Variants in DNAJC24 observed in about 807,000 individuals in gnomAD.
DNAJC24 encodes the protein dnaJ homolog subfamily C member 24.
DNAJC24 carries 17 observed loss-of-function variants against 18.0 expected under a neutral mutation model. That is an observed-to-expected ratio of 0.94 (90% CI 0.65 to 1.42). The LOEUF (loss-of-function observed/expected upper bound fraction) is 1.42, where lower values mean the gene tolerates loss of function less well. DNAJC24 is among the 40% of genes most tolerant of loss of function. The probability of loss-of-function intolerance (pLI) is 0.00; values close to 1 mark genes in which losing one functional copy is unlikely to be tolerated. For synonymous variants in DNAJC24, 55 were observed against 57.7 expected (o/e 0.95, Z 0.21); for missense variants, 158 against 175.6 (o/e 0.90, Z 0.57).
At chr11:31,425,549 CCTT>C (rs1400173388) in intron 3 of DNAJC24, among the ~76,000 whole-genome samples, 2 of 152,138 alleles carry the variant, frequency 1.3e-5, no homozygotes, top group South Asian at 2.1e-4. Context: ...CAGACAGCCT[CCTT>C]CTTGCTGTGC....
intron 2 of DNAJC24, among the ~76,000 whole-genome samples, chr11:31,413,100 CA>C (rs1952723365): frequency 6.6e-6 from 1 of 151,776 alleles, no homozygotes; most frequent in Admixed American, 6.6e-5. Flanking sequence ...ATAAGGCAGT[CA>C]GTGAAATAAT....
At chr11:31,370,087 G>T (rs1485044075) in intron 1 of DNAJC24, among the ~76,000 whole-genome samples, 175 bp downstream of exon 1, 1 of 152,120 alleles carries the variant, frequency 6.6e-6, no homozygotes, top group Non-Finnish European at 1.5e-5. Context: ...TCCTGGTAGG[G>T]TCTCTCTTCT....
At chr11:31,390,537 C>A (rs1952483581) in intron 2 of DNAJC24, among the ~76,000 whole-genome samples, 1 of 151,166 alleles carries the variant, frequency 6.6e-6, no homozygotes, top group Non-Finnish European at 1.5e-5. Flanking sequence ...GAAACCTTGT[C>A]TCTACTAAAA....
chr11:31,386,229 C>G (rs1952428788), intron 2 of DNAJC24, among the ~76,000 whole-genome samples: 1 of 151,976 alleles, frequency 6.6e-6, no homozygotes, highest in Non-Finnish European at 1.5e-5. Flanking sequence ...AGCCAGTTGA[C>G]TTGGGGTCCA....
chr11:31,418,382 A>G (rs1200681821), intron 3 of DNAJC24, among the ~76,000 whole-genome samples: 1 of 152,066 alleles, frequency 6.6e-6, no homozygotes, highest in Non-Finnish European at 1.5e-5. Flanking sequence ...CTTATATATT[A>G]AGCACATTAA....
rs756992866 is a variant in DNAJC24, at chr11:31,414,808, C to T, written c.112-3C>T. On this transcript the variant is annotated splice_region_variant and splice_polypyrimidine_tract_variant and intron_variant, in intron 2 of 4. Transcript: ENST00000465995. ...CCCCTGCACCCTTCTTTTTGATTGG[C>T]AGTATCATCCAGATAAACAAAGTAC... 1.2e-6 allele frequency: 2 copies of T among 1,611,222 alleles called. No homozygotes were observed. The highest frequency in any genetic ancestry group is 8.5e-7 in the Non-Finnish European group (1 of 1,178,680).
At chr11:31,404,227 A>G (rs1657842060) in intron 2 of DNAJC24, among the ~76,000 whole-genome samples, 1 of 152,192 alleles carries the variant, frequency 6.6e-6, no homozygotes, top group South Asian at 2.1e-4. Context: ...CTGTGACTTT[A>G]GAATGCCTTA....
chr11:31,380,306 A>G (rs1952364116), intron 2 of DNAJC24, among the ~76,000 whole-genome samples: 1 of 152,232 alleles, frequency 6.6e-6, no homozygotes, highest in Non-Finnish European at 1.5e-5. Context: ...GACACATAAT[A>G]AATATTCAAA....
intron 2 of DNAJC24, among the ~76,000 whole-genome samples, chr11:31,391,216 G>T (rs184347322): frequency 6.6e-6 from 1 of 152,112 alleles, no homozygotes; most frequent in Non-Finnish European, 1.5e-5. Flanking sequence ...CATCATAAAC[G>T]CCATATAGGA....
At chr11:31,380,653 TA>T (rs1207680290) in intron 2 of DNAJC24, among the ~76,000 whole-genome samples, 1 of 152,162 alleles carries the variant, frequency 6.6e-6, no homozygotes, top group Admixed American at 6.5e-5. Flanking sequence ...TTTAGGCATT[TA>T]AAAAATAAAC....
rs1387863788 is a variant in DNAJC24 at position 31,430,314 on chromosome 11, C to G, written c.363C>G (p.Tyr121Ter). ...TGAGTTGCAGATGTGGTGGAAAATA[C>G]AGTGTTTCCAAGGATGAAGCGGAAG... ...FYLSCRCGGK[Y>*]SVSKDEAEEV... The change falls in exon 5 of 5, where the codon TAC becomes TAG. Residue 121 changes from tyrosine (Y) to a stop codon, truncating the protein, a stop_gained. Transcript: ENST00000465995. LOFTEE classifies it high-confidence loss of function. 1 of 1,610,866 alleles carries G rather than the reference C, an allele frequency of 6.2e-7. No homozygotes were observed. Among genetic ancestry groups the G allele is most frequent in the African/African-American group, 1.3e-5 (1 of 74,822 alleles).
At chr11:31,401,123 A>G (rs1213928670) in intron 2 of DNAJC24, among the ~76,000 whole-genome samples, 2 of 152,224 alleles carry the variant, frequency 1.3e-5, no homozygotes, top group Non-Finnish European at 2.9e-5. Flanking sequence ...GAAACATGAA[A>G]AAAAGCTCAT....
intron 2 of DNAJC24, among the ~76,000 whole-genome samples, chr11:31,380,697 G>T (rs1488799654): frequency 6.6e-6 from 1 of 152,120 alleles, no homozygotes; most frequent in Non-Finnish European, 1.5e-5. Context: ...GCAATAAAGT[G>T]TACCTATTTT....
chr11:31,423,534 TACAGGCATAAGCC>T (rs2133504108), intron 3 of DNAJC24, among the ~76,000 whole-genome samples: 2 of 152,320 alleles, frequency 1.3e-5, no homozygotes, highest in East Asian at 3.9e-4. Context: ...GTGCTGGGAT[TACAGGCATAAGCC>T]ACAGTGCCTG....
intron 2 of DNAJC24, among the ~76,000 whole-genome samples, chr11:31,381,159 C>T (rs1952373588): frequency 1.3e-5 from 2 of 152,280 alleles, no homozygotes; most frequent in South Asian, 2.1e-4. Context: ...CCTCTTGAGA[C>T]ATGAAGCATC....
intron 2 of DNAJC24, among the ~76,000 whole-genome samples, chr11:31,402,080 T>C (rs537273524): frequency 4.1e-4 from 62 of 152,238 alleles, no homozygotes; most frequent in East Asian, 7.7e-4. Flanking sequence ...CATCACAGAG[T>C]GCACTTACGT....
At chr11:31,374,166 T>G (rs1226315105) in intron 2 of DNAJC24, 1 of 376,706 alleles carries the variant, frequency 2.7e-6, no homozygotes, top group East Asian at 7.0e-5. Flanking sequence ...ATCCTTGCCT[T>G]GTTCCTGATT....
At chr11:31,375,555 G>T (rs1196101770) in intron 2 of DNAJC24, among the ~76,000 whole-genome samples, 2 of 134,818 alleles carry the variant, frequency 1.5e-5, no homozygotes, top group Non-Finnish European at 3.4e-5. Context: ...GAAGTTATAG[G>T]AGAGTTTGAA....
intron 2 of DNAJC24, among the ~76,000 whole-genome samples, chr11:31,393,432 G>A (rs1259878472): frequency 6.6e-6 from 1 of 152,176 alleles, no homozygotes; most frequent in African/African-American, 2.4e-5. Context: ...AACTCATGTT[G>A]ATATTTAATC....
Sources: allele counts gnomAD v4.1 joint callset (sites outside exome capture counted in the v4.1 genomes callset), GRCh38; gene constraint gnomAD v4.1.1; transcripts MANE v1.5; gene names NCBI Gene and HGNC (gene_info 2026-07-23, HGNC 2026-07-21).